Variants in DLGAP1 observed in about 807,000 individuals in gnomAD.
DLGAP1 encodes DLG associated protein 1, also known as disks large-associated protein 1.
In DLGAP1, 11 loss-of-function variants were observed where a neutral mutation model predicts 90.8. The observed-to-expected ratio is 0.12, with a 90% confidence interval of 0.08 to 0.20. DLGAP1 has a LOEUF of 0.20. Among genes scored for constraint, DLGAP1 ranks in the 10% least tolerant of loss-of-function variants. DLGAP1 has a pLI of 1.00. For missense variants in DLGAP1, 1,050 were observed against 1,333.8 expected, an observed-to-expected ratio of 0.79 and a Z score of 3.31; for synonymous variants, 558 against 540.7, an observed-to-expected ratio of 1.03 and a Z score of -0.44.
rs760809355 is a variant in DLGAP1, at chr18:3,660,083, T to G, written c.1591+69052A>C. On this transcript the variant is annotated intron_variant, in intron 7 of 12. Transcript: ENST00000315677. This position sits in a 1 kb window ranked among gnomAD's most constrained non-coding sequence, Gnocchi z 4.2. The stretch of plus-strand genomic sequence containing the variant: ...ACATTTGACTTCAAATATAACTTCC[T>G]CAGAGAGTCTTCCTTGATTACTATA... 2.0e-5 allele frequency among the ~76,000 whole-genome samples: 3 copies of G among 152,266 alleles called. No individual in the cohort carries two copies. Among genetic ancestry groups the G allele is most frequent in the Non-Finnish European group, 4.4e-5 (3 of 68,046 alleles).
rs866885681 is a variant in DLGAP1 at position 4,454,416 on chromosome 18, C to A, written c.-267+590G>T. 9.3e-3 allele frequency among the ~76,000 whole-genome samples: 1,424 copies of A among 152,320 alleles called. 22 individuals are homozygous for A. The highest frequency in any genetic ancestry group is 0.033 in the African/African-American group (1,372 of 41,572). On this transcript the variant is annotated intron_variant, in intron 1 of 12. Coordinates refer to ENST00000315677, the MANE Select transcript of DLGAP1 (RefSeq NM_004746.4). This position sits in a 1 kb window ranked among gnomAD's most constrained non-coding sequence, Gnocchi z 4.7. ...CTCCTTGGACCCCATTTCTCTCTCT[C>A]TCTCTCTCTCTGTGCCTGTCTTTGT...
chr18:3,768,856 A>G (rs1046782712), intron 5 of DLGAP1, among the ~76,000 whole-genome samples: 12 of 152,206 alleles, frequency 7.9e-5, no homozygotes, highest in Admixed American at 7.9e-4. Flanking sequence ...TTGGGATTCT[A>G]AGCTAGGCAG....
chr18:4,284,697 C>T (rs1162900036), intron 1 of DLGAP1, among the ~76,000 whole-genome samples: 1 of 152,192 alleles, frequency 6.6e-6, no homozygotes, highest in African/African-American at 2.4e-5. Context: ...TGGGGTCAGA[C>T]CCATGGCCTT....
chr18:3,609,665 G>A (rs1328532841), intron 7 of DLGAP1, among the ~76,000 whole-genome samples: 1 of 152,076 alleles, frequency 6.6e-6, no homozygotes, highest in Non-Finnish European at 1.5e-5. Context: ...AGGGAAAGGG[G>A]ATAGAGTGTT....
intron 7 of DLGAP1, among the ~76,000 whole-genome samples, chr18:3,675,625 T>C (rs2060270434): frequency 6.6e-6 from 1 of 152,144 alleles, no homozygotes; most frequent in Non-Finnish European, 1.5e-5. Flanking sequence ...GCTCACTTCA[T>C]CCACTCCAGC....
chr18:3,977,432 G>GTTTTTTTTTTTTTTTTTTT (rs1467413382), intron 3 of DLGAP1, among the ~76,000 whole-genome samples: 1 of 52,752 alleles, frequency 1.9e-5, no homozygotes, highest in Admixed American at 2.7e-4. Context: ...TGTTTATTCT[G>GTTTTTTTTTTTTTTTTTTT]TGTTTTTTTT....
At position 3,826,783 on chromosome 18, in the gene DLGAP1, G is replaced by A. The variant is rs184586414; in HGVS notation, c.958-12510C>T. Among the ~76,000 whole-genome samples, 331 of 152,296 alleles carry A rather than the reference G, an allele frequency of 2.2e-3. 1 individual carries two copies. Among genetic ancestry groups the A allele is most frequent in the Non-Finnish European group, 3.5e-3 (237 of 68,026 alleles). On this transcript the variant is annotated intron_variant, in intron 4 of 12. Coordinates refer to ENST00000315677, the MANE Select transcript of DLGAP1 (RefSeq NM_004746.4). The stretch of plus-strand genomic sequence containing the variant: ...ATTCTAGTTCAAGAGAATCACGCAG[G>A]TTGCTAAGTTGAGAATGGCTCAAGG...
chr18:3,837,883 T>TAAAAAA (rs2068492632), intron 4 of DLGAP1, among the ~76,000 whole-genome samples: 1 of 63,062 alleles, frequency 1.6e-5, no homozygotes, highest in African/African-American at 5.8e-5. Context: ...AAAAAAAAAG[T>TAAAAAA]CAGGGACAAG....
intron 7 of DLGAP1, chr18:3,656,252 A>G: frequency 3.2e-6 from 2 of 617,130 alleles, no homozygotes; most frequent in Non-Finnish European, 5.3e-6. Flanking sequence ...ACAAATATCA[A>G]CTTCAAAAAT....
intron 7 of DLGAP1, among the ~76,000 whole-genome samples, chr18:3,612,255 G>A (rs1338102799): frequency 1.3e-5 from 2 of 152,040 alleles, no homozygotes; most frequent in Non-Finnish European, 2.9e-5. Context: ...ACCTAGGGAA[G>A]GTTGCTGAAT....
chr18:4,111,385 T>C (rs1055586357), intron 2 of DLGAP1, among the ~76,000 whole-genome samples: 5 of 152,150 alleles, frequency 3.3e-5, no homozygotes, highest in African/African-American at 1.2e-4. Context: ...GTTTTTTTCC[T>C]TGAGATGTCT....
At chr18:3,832,875 T>C (rs2068108898) in intron 4 of DLGAP1, among the ~76,000 whole-genome samples, 2 of 152,148 alleles carry the variant, frequency 1.3e-5, no homozygotes, top group South Asian at 4.1e-4. Flanking sequence ...CCCCCATCAC[T>C]GAGGCAGAGG....
chr18:3,623,963 CCCT>C (rs966347906), intron 7 of DLGAP1, among the ~76,000 whole-genome samples: 1 of 152,120 alleles, frequency 6.6e-6, no homozygotes, highest in Non-Finnish European at 1.5e-5. Context: ...TACTTTTCCT[CCCT>C]CCTCCTCGTG....
intron 2 of DLGAP1, among the ~76,000 whole-genome samples, chr18:4,070,530 G>GT (rs1414305561): frequency 1.3e-5 from 2 of 151,400 alleles, no homozygotes; most frequent in East Asian, 1.9e-4. Context: ...TTTGCATAAG[G>GT]TTTTCCCATA....
chr18:3,945,801 G>T (rs911421562), intron 3 of DLGAP1, among the ~76,000 whole-genome samples: 1 of 147,470 alleles, frequency 6.8e-6, no homozygotes, highest in African/African-American at 2.5e-5. Flanking sequence ...AAAAAAAAGA[G>T]TTAATATGCT....
rs933099350 is a variant in DLGAP1 at position 3,653,165 on chromosome 18, G to T, written c.1592-70917C>A. Among the ~76,000 whole-genome samples the T allele has an allele frequency of 1.4e-4, 21 of 152,124 alleles. No homozygotes were observed. Among genetic ancestry groups the T allele is most frequent in the African/African-American group, 5.1e-4 (21 of 41,432 alleles). On this transcript the variant is annotated intron_variant, in intron 7 of 12. Coordinates refer to ENST00000315677, the MANE Select transcript of DLGAP1 (RefSeq NM_004746.4). The surrounding 1 kb of genome is among the most constrained non-coding windows in gnomAD (Gnocchi z 4.6). ...TCCCTGCTCCAGTTTCAAGAGAAAA[G>T]ACCTTATTCAGAGAAATATTTAGAA...
intron 7 of DLGAP1, among the ~76,000 whole-genome samples, chr18:3,669,767 G>C (rs868580803): frequency 8.5e-5 from 13 of 152,312 alleles, no homozygotes; most frequent in Middle Eastern, 6.8e-3. Flanking sequence ...ATGTGATCCA[G>C]TTCTTCCGGT....
At chr18:3,941,589 G>C (rs907416981) in intron 3 of DLGAP1, among the ~76,000 whole-genome samples, 1 of 152,252 alleles carries the variant, frequency 6.6e-6, no homozygotes, top group African/African-American at 2.4e-5. Context: ...TTGGGATTCA[G>C]AGAGAGAAAT....
intron 4 of DLGAP1, among the ~76,000 whole-genome samples, chr18:3,839,552 C>A (rs2068590445): frequency 6.6e-6 from 1 of 152,112 alleles, no homozygotes; most frequent in African/African-American, 2.4e-5. Flanking sequence ...GGAACAGAAA[C>A]ATGAGCACAT....
Sources: allele counts gnomAD v4.1 joint callset (sites outside exome capture counted in the v4.1 genomes callset), GRCh38; gene constraint gnomAD v4.1.1; non-coding constraint Gnocchi (gnomAD v3.1); transcripts MANE v1.5; gene names NCBI Gene and HGNC (gene_info 2026-07-23, HGNC 2026-07-21).